SEMA5B: variants seen among roughly 807,000 people sequenced by gnomAD.
SEMA5B encodes semaphorin 5B, also known as semaphorin-5B.
In SEMA5B, 66 loss-of-function variants were observed where a neutral mutation model predicts 135.0. The ratio of observed to expected loss-of-function variants is 0.49; its 90% CI spans 0.40 to 0.60. The LOEUF (loss-of-function observed/expected upper bound fraction) is 0.60, where lower values mean the gene tolerates loss of function less well. Ranked by LOEUF, SEMA5B falls within the 20% of genes least tolerant of loss-of-function variation. The pLI, the probability that SEMA5B is intolerant of heterozygous loss-of-function variation, is 0.00. For missense variants in SEMA5B, 1,501 were observed against 1,566.3 expected, an observed-to-expected ratio of 0.96 and a Z score of 0.70; for synonymous variants, 690 against 639.5, an observed-to-expected ratio of 1.08 and a Z score of -1.19.
chr3:122,947,842 ACC>A (rs544167010), intron 3 of SEMA5B, among the ~76,000 whole-genome samples: 1 of 148,642 alleles, frequency 6.7e-6, no homozygotes, highest in Non-Finnish European at 1.5e-5. Context: ...CACAACCATG[ACC>A]CCCCCCAAAC....
At chr3:122,988,175 G>T (rs961077524) in intron 1 of SEMA5B, among the ~76,000 whole-genome samples, 4 of 152,174 alleles carry the variant, frequency 2.6e-5, no homozygotes, top group African/African-American at 7.2e-5. Context: ...TGCTGCTGCT[G>T]CTGGTGCAAG....
intron 1 of SEMA5B, among the ~76,000 whole-genome samples, chr3:122,998,612 G>A (rs1319479674): frequency 2.0e-5 from 3 of 152,146 alleles, no homozygotes; most frequent in African/African-American, 7.2e-5. Context: ...GGCCTACCCT[G>A]CTAGTCCACC....
chr3:122,999,017 C>T (rs140026687), intron 1 of SEMA5B, among the ~76,000 whole-genome samples: 1 of 152,262 alleles, frequency 6.6e-6, no homozygotes, highest in Non-Finnish European at 1.5e-5. Flanking sequence ...GGTGACTCAA[C>T]CAAGGTCACA....
Position 122,913,296 on chromosome 3 carries a change from G to A in SEMA5B, c.2409C>T (p.Arg803=). 1 of 1,580,436 alleles carries A rather than the reference G, an allele frequency of 6.3e-7. No homozygotes were observed. The highest frequency in any genetic ancestry group is 1.7e-5 in the Admixed American group (1 of 57,148). Residue 803 remains arginine, a synonymous_variant, in exon 17 of 23, where the codon CGC becomes CGT. Transcript: ENST00000357599. ...RQEQRFRFTC[R]APLADPHGLQ... is the part of the protein sequence containing the mutation. ...GGCCGTGCGGGTCTGCAAGGGGCGC[G>A]CGGCAGGTGAAGCGGAACCGCTGCT...
chr3:123,003,042 C>T (rs539083823), intron 1 of SEMA5B, among the ~76,000 whole-genome samples: 1 of 152,226 alleles, frequency 6.6e-6, no homozygotes, highest in South Asian at 2.1e-4. Flanking sequence ...GGTATAGTTA[C>T]CACCAAGAAG....
intron 2 of SEMA5B, among the ~76,000 whole-genome samples, chr3:122,957,676 C>A (rs10934626): frequency 6.6e-6 from 1 of 152,154 alleles, no homozygotes; most frequent in Non-Finnish European, 1.5e-5. Flanking sequence ...CTCACAGCAG[C>A]TTTGCAAGAA....
At chr3:122,944,946 A>G (rs566095204) in intron 3 of SEMA5B, among the ~76,000 whole-genome samples, 4 of 152,298 alleles carry the variant, frequency 2.6e-5, no homozygotes, top group East Asian at 3.9e-4. Context: ...TTCTCCCCAC[A>G]GTGCCTTAGC....
chr3:122,928,658 T>C (rs1255892911), intron 6 of SEMA5B, 43 bp from the exon 7 acceptor site: 2 of 1,401,456 alleles, frequency 1.4e-6, no homozygotes, highest in Non-Finnish European at 2.0e-6. Context: ...GCTCTCCAGG[T>C]GCGATGCTGG....
chr3:123,021,516 A>C (rs767419112), intron 1 of SEMA5B, among the ~76,000 whole-genome samples: 38 of 152,254 alleles, frequency 2.5e-4, no homozygotes, highest in Admixed American at 5.2e-4. Context: ...TCCCTGAATA[A>C]TTAAGAGCCA....
chr3:122,988,734 A>C (rs1394078937), intron 1 of SEMA5B, among the ~76,000 whole-genome samples: 2 of 152,182 alleles, frequency 1.3e-5, no homozygotes, highest in Non-Finnish European at 2.9e-5. Context: ...CTGCTGGGAG[A>C]ATGGCCAGAA....
chr3:122,939,502 C>T (rs758348326), intron 4 of SEMA5B, 32 bp from the exon 5 acceptor site: 26 of 1,596,150 alleles, frequency 1.6e-5, no homozygotes, highest in Middle Eastern at 1.7e-4. Context: ...TCCTAAGTGA[C>T]GCTGGTTCTG....
chr3:122,990,502 T>C (rs1941842699), intron 1 of SEMA5B, among the ~76,000 whole-genome samples: 1 of 152,136 alleles, frequency 6.6e-6, no homozygotes, highest in Admixed American at 6.5e-5. Context: ...TAACTTTGCC[T>C]GCATGGGAGG....
At chr3:122,943,566 C>T (rs1405412344) in intron 3 of SEMA5B, 31 bp from the exon 4 acceptor site, 1 of 1,499,128 alleles carries the variant, frequency 6.7e-7, no homozygotes, top group Non-Finnish European at 9.2e-7. Flanking sequence ...CCTGTGGTTA[C>T]TGTTGGGCCA....
At chr3:122,957,852 C>T (rs977840934) in intron 2 of SEMA5B, among the ~76,000 whole-genome samples, 1 of 152,242 alleles carries the variant, frequency 6.6e-6, no homozygotes, top group African/African-American at 2.4e-5. Flanking sequence ...CAAACTGGCC[C>T]CAGCCTTATC....
intron 1 of SEMA5B, among the ~76,000 whole-genome samples, chr3:123,007,351 C>A (rs531934064): frequency 1.3e-5 from 2 of 152,194 alleles, no homozygotes; most frequent in East Asian, 1.9e-4. Flanking sequence ...GCCAGGATAA[C>A]CTTCTTTGGC....
chr3:122,928,961 C>T, intron 6 of SEMA5B, 35 bp downstream of exon 6: 1 of 1,608,092 alleles, frequency 6.2e-7, no homozygotes, highest in Non-Finnish European at 8.5e-7. Flanking sequence ...CCTTCCAGCT[C>T]CAGGTGGGGC....
intron 1 of SEMA5B, among the ~76,000 whole-genome samples, chr3:122,979,808 T>C (rs563255000): frequency 6.6e-6 from 1 of 152,374 alleles, no homozygotes; most frequent in Admixed American, 6.5e-5. Flanking sequence ...CAAACCAGCA[T>C]ACAGGCTCAA....
At chr3:123,017,748 A>G (rs147382936) in intron 1 of SEMA5B, among the ~76,000 whole-genome samples, 4,553 of 152,150 alleles carry the variant, frequency 0.03, 101 homozygotes, top group Middle Eastern at 0.058. Context: ...TCTCTTCTAA[A>G]AATACAAAAA....
chr3:122,925,060 T>C (rs1168569602), intron 9 of SEMA5B, among the ~76,000 whole-genome samples: 1 of 152,226 alleles, frequency 6.6e-6, no homozygotes, highest in Non-Finnish European at 1.5e-5. Context: ...TCAGTTTCGA[T>C]GCCTCTCCAC....
Sources: allele counts gnomAD v4.1 joint callset (sites outside exome capture counted in the v4.1 genomes callset), GRCh38; gene constraint gnomAD v4.1.1; transcripts MANE v1.5; gene names NCBI Gene and HGNC (gene_info 2026-07-23, HGNC 2026-07-21).